Variants in TRMT1 observed in about 807,000 individuals in gnomAD.
The protein encoded by TRMT1 is tRNA methyltransferase 1, also known as tRNA (guanine(26)-N(2))-dimethyltransferase.
TRMT1 carries 63 observed loss-of-function variants against 75.4 expected under a neutral mutation model. That is an observed-to-expected ratio of 0.84 (90% CI 0.68 to 1.03). The LOEUF (loss-of-function observed/expected upper bound fraction) is 1.03. Among genes scored for constraint, TRMT1 ranks in the 50% least tolerant of loss-of-function variants. The pLI, the probability that TRMT1 is intolerant of heterozygous loss-of-function variation, is 0.00. For synonymous variants in TRMT1, 382 were observed against 358.1 expected (o/e 1.07, Z -0.75); for missense variants, 870 against 905.3 (o/e 0.96, Z 0.50).
intron 12 of TRMT1, among the ~76,000 whole-genome samples, chr19:13,108,698 C>T (rs2018989695): frequency 6.6e-6 from 1 of 152,122 alleles, no homozygotes; most frequent in Non-Finnish European, 1.5e-5. Context: ...CCTCCTCCTC[C>T]TCCCAGGTTC....
chr19:13,107,336 C>A (rs2018920028), intron 14 of TRMT1, among the ~76,000 whole-genome samples: 1 of 151,648 alleles, frequency 6.6e-6, no homozygotes, highest in Non-Finnish European at 1.5e-5. Context: ...GATGGGGTTC[C>A]ACCATGTTGG....
At position 13,115,640 on chromosome 19, in the gene TRMT1, C is replaced by A. The variant is rs1279696603; in HGVS notation, c.439G>T (p.Gly147Trp). 24 of 1,613,896 alleles carry A rather than the reference C, an allele frequency of 1.5e-5. No homozygotes were observed. The highest frequency in any genetic ancestry group is 1.9e-5 in the Non-Finnish European group (23 of 1,180,018). The change falls in exon 4 of 17, where the codon GGG (glycine) becomes TGG (tryptophan). Residue 147 changes from glycine (G) to tryptophan (W), a missense_variant. Gly to Trp is a radical substitution (Grantham distance 184). Transcript: ENST00000357720. ...TCAGGCCCCACCTCACAGATCTCCC[C>A]CACGGCCGCTGTGCGAGGTTGGTCT... Reference protein sequence around the residue: ...SGDQPRTAAVGEICEEGLHVL... With the variant: ...SGDQPRTAAVWEICEEGLHVL...
At chr19:13,106,454 G>C (rs1474305011) in intron 14 of TRMT1, among the ~76,000 whole-genome samples, 3 of 151,792 alleles carry the variant, frequency 2.0e-5, no homozygotes, top group Non-Finnish European at 4.4e-5. Context: ...TGGACAAAAA[G>C]TTACCCCTGG....
rs753899578 is a variant in TRMT1 at position 13,115,581 on chromosome 19, T to C, written c.453+45A>G. On this transcript the variant is annotated intron_variant, in intron 4 of 16. Transcript: ENST00000357720. Reference sequence around the variant, plus strand: ...TCTCCCCCTCCAGGAGCCCTCTGTCTCCCGCTAAATTCCAGGGCTGCCAGC... The same window carrying C: ...TCTCCCCCTCCAGGAGCCCTCTGTCCCCCGCTAAATTCCAGGGCTGCCAGC... The C allele has an allele frequency of 1.4e-5, 23 of 1,610,686 alleles. No individual in the cohort carries two copies. In the South Asian group the frequency reaches 2.0e-4, roughly 14 times the overall value.
intron 1 of TRMT1, 33 bp from the exon 2 acceptor site, chr19:13,116,464 G>A (rs1599968720): frequency 1.3e-6 from 2 of 1,543,740 alleles, no homozygotes; most frequent in East Asian, 2.3e-5. Context: ...GCACAGAGAG[G>A]GTCAGAGAGC....
intron 5 of TRMT1, among the ~76,000 whole-genome samples, chr19:13,114,486 GA>G (rs1284095335): frequency 2.0e-5 from 3 of 152,306 alleles, no homozygotes; most frequent in African/African-American, 7.2e-5. Flanking sequence ...CCACCATGGT[GA>G]AACCCCATCT....
Position 13,115,289 on chromosome 19 carries a change from C to A in TRMT1, c.631G>T (p.Ala211Ser), listed in dbSNP as rs2019293837. The change falls in exon 5 of 17, where the codon GCA becomes TCA. Residue 211 changes from alanine to serine, a missense_variant. Physicochemically the swap from Ala to Ser is moderately conservative, Grantham distance 99 (BLOSUM62 1). Transcript: ENST00000357720. Reference sequence around the variant, plus strand: ...ATGCCCAGAACCTACCGGGCATCTGCTTGGCTCGGCTGTACCAGGTGGGCC... The same window carrying A: ...ATGCCCAGAACCTACCGGGCATCTGATTGGCTCGGCTGTACCAGGTGGGCC... The part of the protein sequence containing the change: ...DVAHLVQPSQ[A>S]DARMLMYQHQ... The A allele has an allele frequency of 1.2e-6, 2 of 1,611,582 alleles. No individual in the cohort carries two copies. The highest frequency in any genetic ancestry group is 1.7e-6 in the Non-Finnish European group (2 of 1,178,714).
rs926312250 is a variant in TRMT1, at chr19:13,116,712, C to T, written c.-92G>A. Reference sequence around the variant, plus strand: ...AGGTGCACGTTTCCCGAATTAGGACCTGGGCGCCGCCATGTTGGCACAGTG... The same window carrying T: ...AGGTGCACGTTTCCCGAATTAGGACTTGGGCGCCGCCATGTTGGCACAGTG... On this transcript the variant is annotated 5_prime_UTR_variant, in exon 1 of 17. Coordinates refer to ENST00000357720, the MANE Select transcript of TRMT1 (RefSeq NM_001136035.4). 14 of 374,696 alleles carry T rather than the reference C, an allele frequency of 3.7e-5. No individual in the cohort carries two copies. Among genetic ancestry groups the T allele is most frequent in the Middle Eastern group, 7.7e-4 (1 of 1,298 alleles). The allele number at this position is 374,696 out of a possible 1,614,324, so 23.2% of individuals were successfully genotyped here. A position where few individuals can be genotyped will look rare whatever the true frequency, so the allele number is the denominator to read the frequency against.
intron 7 of TRMT1, among the ~76,000 whole-genome samples, chr19:13,110,682 C>A (rs765020207): frequency 6.6e-6 from 1 of 152,162 alleles, no homozygotes; most frequent in Non-Finnish European, 1.5e-5. Flanking sequence ...ACTGCTGGGG[C>A]CTGGGCCGGG....
intron 5 of TRMT1, among the ~76,000 whole-genome samples, chr19:13,113,231 T>C (rs759355614): frequency 1.1e-4 from 17 of 151,940 alleles, no homozygotes; most frequent in Non-Finnish European, 2.1e-4. Flanking sequence ...TGATCTCGGC[T>C]CCCTGCAACC....
At position 13,116,695 on chromosome 19, in the gene TRMT1, G is replaced by A. The variant is rs1369998873; in HGVS notation, c.-75C>T. On this transcript the variant is annotated 5_prime_UTR_variant, in exon 1 of 17. In the 5' UTR this introduces an upstream ATG that the reference lacks. Transcript: ENST00000357720. ...GAAAACCGAATTAGTCAAGGTGCACGTTTCCCGAATTAGGACCTGGGCGCC... is the reference window on the plus strand; with the variant it reads ...GAAAACCGAATTAGTCAAGGTGCACATTTCCCGAATTAGGACCTGGGCGCC... The A allele has an allele frequency of 4.7e-6, 2 of 422,446 alleles. No homozygotes were observed. The highest frequency in any genetic ancestry group is 4.0e-5 in the African/African-American group (2 of 50,558). The allele number at this position is 422,446 out of a possible 1,614,324, so 26.2% of individuals were successfully genotyped here. A position where few individuals can be genotyped will look rare whatever the true frequency, so the allele number is the denominator to read the frequency against.
rs542840419 is a variant in TRMT1 at position 13,105,095 on chromosome 19, G to A, written c.1834-14C>T. On this transcript the variant is annotated splice_polypyrimidine_tract_variant and intron_variant, in intron 16 of 16. Coordinates refer to ENST00000357720, the MANE Select transcript of TRMT1 (RefSeq NM_001136035.4). ...TTGACAGGTGCCCTGGTGGGAAGAT[G>A]GTGGGTGTGAACCCCTGCCCGGAGC... 1 of 1,574,420 alleles carries A rather than the reference G, an allele frequency of 6.4e-7. No homozygotes were observed. The highest frequency in any genetic ancestry group is 1.8e-5 in the Admixed American group (1 of 56,962).
In TRMT1 at chr19:13,107,623, G is replaced by C. The variant is rs751298016; in HGVS notation, c.1534C>G (p.Arg512Gly). 13 of 1,608,464 alleles carry C rather than the reference G, an allele frequency of 8.1e-6. No individual in the cohort carries two copies. Residue 512 changes from arginine (R) to glycine (G), a missense_variant, in exon 14 of 17, where the codon CGA becomes GGA. By Grantham distance (125) the Arg-to-Gly change is moderately radical. Transcript: ENST00000357720. ...AACGCTGGGCTAGTCTCTGATAGTC[G>C]CTCCCGTTTCACCGGACATTCCTTC... is the stretch of plus-strand genomic sequence containing the variant. ...WEKECPVKRERLSETSPAFRI... is the reference protein window; with the variant it reads ...WEKECPVKREGLSETSPAFRI...
Position 13,105,474 on chromosome 19 carries a change from T to C in TRMT1, c.1703+13A>G, listed in dbSNP as rs2018820899. ...CCCTGGCTGAGCCCCACCCCCACCTTACCACCACTCACCCTGGCCGGGCAC... is the reference window on the plus strand; with the variant it reads ...CCCTGGCTGAGCCCCACCCCCACCTCACCACCACTCACCCTGGCCGGGCAC... On this transcript the variant is annotated intron_variant, in intron 15 of 16. Transcript: ENST00000357720. 6.2e-7 allele frequency: 1 copy of C among 1,613,810 alleles called. No homozygotes were observed. The highest frequency in any genetic ancestry group is 8.5e-7 in the Non-Finnish European group (1 of 1,180,010).
rs2019059288 is a variant in TRMT1 at position 13,109,783 on chromosome 19, C to T, written c.1162G>A (p.Gly388Arg). 3.1e-6 allele frequency: 5 copies of T among 1,614,122 alleles called. No individual in the cohort carries two copies. The highest frequency in any genetic ancestry group is 4.2e-6 in the Non-Finnish European group (5 of 1,179,994). Residue 388 changes from glycine to arginine, a missense_variant, in exon 10 of 17, where the codon GGG (glycine) becomes AGG (arginine). Coordinates refer to ENST00000357720, the MANE Select transcript of TRMT1 (RefSeq NM_001136035.4). ...CCTAGCCCTACCTGGTGTCGTTGCC[C>T]ACAGTGTTCACACTCGGGGGTCACA... ...PPVTPECEHC[G>R]QRHQLGGPMW...
intron 10 of TRMT1, 32 bp from the exon 11 acceptor site, chr19:13,109,716 A>G: frequency 6.2e-7 from 1 of 1,613,890 alleles, no homozygotes; most frequent in Non-Finnish European, 8.5e-7. Flanking sequence ...GTGAGCAGGG[A>G]CTATGACCTT....
chr19:13,105,104 GAACCCCTGCCCGGAGCTCAGC>G (rs1264890507), intron 16 of TRMT1, 23 bp from the exon 17 acceptor site: 1 of 1,565,906 alleles, frequency 6.4e-7, no homozygotes, highest in South Asian at 1.2e-5. Flanking sequence ...TGGTGGGTGT[GAACCCCTGCCCGGAGCTCAGC>G]AGCCCCTGAT....
intron 15 of TRMT1, 42 bp from the exon 16 acceptor site, chr19:13,105,438 A>C: frequency 6.2e-7 from 1 of 1,612,880 alleles, no homozygotes; most frequent in Non-Finnish European, 8.5e-7. Context: ...TCTGCCCTTT[A>C]CCCCTTCTTT....
chr19:13,112,761 T>C lies in TRMT1; in HGVS notation c.814A>G (p.Thr272Ala), dbSNP rs759911177. The C allele has an allele frequency of 8.1e-6, 13 of 1,613,788 alleles. No homozygotes were observed. The Middle Eastern group carries it at 1.5e-3, about 184-fold the overall frequency. ...MAVLAGNSGETCYSKYGAMAL... is the reference protein window; with the variant it reads ...MAVLAGNSGEACYSKYGAMAL... Reference sequence around the variant, plus strand: ...ATGGCCCCGTACTTGCTGTAGCACGTCTCCCCGCTGTTCCCCGCCAACACC... The same window carrying C: ...ATGGCCCCGTACTTGCTGTAGCACGCCTCCCCGCTGTTCCCCGCCAACACC... The change falls in exon 7 of 17, where the codon ACG becomes GCG. Residue 272 changes from threonine (T) to alanine (A), a missense_variant. By Grantham distance (58) the Thr-to-Ala change is moderately conservative (BLOSUM62 0). Transcript: ENST00000357720.
Sources: allele counts gnomAD v4.1 joint callset (sites outside exome capture counted in the v4.1 genomes callset), GRCh38; gene constraint gnomAD v4.1.1; transcripts MANE v1.5; gene names NCBI Gene and HGNC (gene_info 2026-07-23, HGNC 2026-07-21).